The following TMTC2 variants were observed in gnomAD, a reference collection of about 807,000 sequenced individuals.
TMTC2 encodes the protein protein O-mannosyl-transferase TMTC2.
A neutral mutation model predicts 82.4 loss-of-function variants in TMTC2; 43 were observed. That is an observed-to-expected ratio of 0.52 (90% CI 0.41 to 0.67). The LOEUF (loss-of-function observed/expected upper bound fraction) is 0.67. Among genes scored for constraint, TMTC2 ranks in the 30% least tolerant of loss-of-function variants. The pLI is 0.00. For synonymous variants in TMTC2, 408 were observed against 381.9 expected, an observed-to-expected ratio of 1.07 and a Z score of -0.80; for missense variants, 919 against 1,012.4, an observed-to-expected ratio of 0.91 and a Z score of 1.25.
At chr12:82,866,827 C>T (rs1308475013) in intron 2 of TMTC2, among the ~76,000 whole-genome samples, 2 of 152,076 alleles carry the variant, frequency 1.3e-5, no homozygotes. Flanking sequence ...AAGCCAGATT[C>T]CATGAGTACA....
chr12:82,857,684 T>G, intron 2 of TMTC2, 104 bp downstream of exon 2: 3 of 1,076,828 alleles, frequency 2.8e-6, no homozygotes, highest in Non-Finnish European at 3.9e-6. Context: ...AAGCGGAATT[T>G]AAAATAAGTT....
At chr12:82,761,349 G>A (rs1404147253) in intron 1 of TMTC2, among the ~76,000 whole-genome samples, 1 of 152,230 alleles carries the variant, frequency 6.6e-6, no homozygotes, top group African/African-American at 2.4e-5. Flanking sequence ...TAAGAGACTT[G>A]TGGCTGGTCA....
intron 8 of TMTC2, among the ~76,000 whole-genome samples, chr12:82,987,470 A>G (rs999079249): frequency 6.6e-6 from 1 of 151,910 alleles, no homozygotes; most frequent in African/African-American, 2.4e-5. Flanking sequence ...TAGGTAGACT[A>G]AGTAACCAGA....
intron 1 of TMTC2, among the ~76,000 whole-genome samples, chr12:82,826,259 G>A (rs1325925380): frequency 2.0e-5 from 3 of 152,134 alleles, no homozygotes; most frequent in South Asian, 2.1e-4. Flanking sequence ...CCTTCTTATG[G>A]TGAGTTTAGA....
chr12:82,876,820 C>G (rs542464255), intron 2 of TMTC2, among the ~76,000 whole-genome samples: 1 of 152,100 alleles, frequency 6.6e-6, no homozygotes, highest in African/African-American at 2.4e-5. Flanking sequence ...AATAGCAGTG[C>G]GACCTGGGAA....
intron 4 of TMTC2, 74 bp from the exon 5 acceptor site, chr12:82,964,946 TGGAA>T: frequency 2.3e-6 from 2 of 881,412 alleles, no homozygotes; most frequent in African/African-American, 1.7e-5. Flanking sequence ...TTTTTATTTT[TGGAA>T]TATAAAATAA....
chr12:83,091,520 G>A (rs1162945677), intron 11 of TMTC2, among the ~76,000 whole-genome samples: 1 of 152,010 alleles, frequency 6.6e-6, no homozygotes, highest in Non-Finnish European at 1.5e-5. Context: ...ATTCTCACTG[G>A]CACAATTGCT....
rs183507804 is a variant in TMTC2, at chr12:82,989,978, G to A, written c.2070+3932G>A. On this transcript the variant is annotated intron_variant, in intron 8 of 11. Transcript: ENST00000321196. ...AGCTTCTTTCTAAATTATGACATTT[G>A]GCAAATTTCTGATCCCTATGGATAG... is the stretch of plus-strand genomic sequence containing the variant. 2.6e-5 allele frequency among the ~76,000 whole-genome samples: 4 copies of A among 152,174 alleles called. No homozygotes were observed. The East Asian group carries it at 7.7e-4, about 29-fold the overall frequency.
intron 11 of TMTC2, among the ~76,000 whole-genome samples, chr12:83,099,637 G>A (rs1256855175): frequency 6.6e-6 from 1 of 151,940 alleles, no homozygotes; most frequent in Non-Finnish European, 1.5e-5. Flanking sequence ...TGCCTCCTGA[G>A]AAGAAGCCAA....
At chr12:82,834,988 C>G (rs1869955423) in intron 1 of TMTC2, among the ~76,000 whole-genome samples, 1 of 151,986 alleles carries the variant, frequency 6.6e-6, no homozygotes, top group South Asian at 2.1e-4. Flanking sequence ...AACAATTTTC[C>G]TGCTTCAGCC....
intron 2 of TMTC2, among the ~76,000 whole-genome samples, chr12:82,876,122 T>TG (rs1872544085): frequency 6.3e-5 from 9 of 143,416 alleles, no homozygotes; most frequent in African/African-American, 2.1e-4. Context: ...GTGGTGGTGG[T>TG]ATTAGTAATG....
At chr12:83,047,452 C>A (rs1882185281) in intron 9 of TMTC2, among the ~76,000 whole-genome samples, 1 of 152,176 alleles carries the variant, frequency 6.6e-6, no homozygotes, top group South Asian at 2.1e-4. Flanking sequence ...TAATAATTTA[C>A]TTTCACTTTT....
intron 11 of TMTC2, among the ~76,000 whole-genome samples, chr12:83,065,197 T>C (rs1882874576): frequency 6.6e-6 from 1 of 151,956 alleles, no homozygotes; most frequent in Non-Finnish European, 1.5e-5. Flanking sequence ...GGATATTCTT[T>C]CTTAATAAAA....
chr12:83,055,022 A>T (rs1882488447), intron 10 of TMTC2, among the ~76,000 whole-genome samples: 1 of 152,102 alleles, frequency 6.6e-6, no homozygotes. Context: ...ACAGCTAGGA[A>T]TAATTCCCAA....
chr12:82,975,580 A>AT, intron 7 of TMTC2, among the ~76,000 whole-genome samples: 1 of 152,132 alleles, frequency 6.6e-6, no homozygotes. Flanking sequence ...AGTTGGATGA[A>AT]TTTTTCAATG....
chr12:83,042,389 A>G (rs1881928743), intron 9 of TMTC2, among the ~76,000 whole-genome samples: 1 of 152,292 alleles, frequency 6.6e-6, no homozygotes, highest in Admixed American at 6.5e-5. Context: ...CTGGATCTCT[A>G]ATGAGGTTGT....
intron 1 of TMTC2, among the ~76,000 whole-genome samples, chr12:82,810,342 T>C (rs1186019455): frequency 1.3e-5 from 2 of 151,522 alleles, no homozygotes; most frequent in Non-Finnish European, 2.9e-5. Context: ...GTGCAGTGTT[T>C]ATTTGAATTC....
chr12:82,765,626 A>T (rs1876907204), intron 1 of TMTC2, among the ~76,000 whole-genome samples: 1 of 152,104 alleles, frequency 6.6e-6, no homozygotes, highest in Non-Finnish European at 1.5e-5. Context: ...GTGAACCAAG[A>T]TTGCACCATT....
intron 1 of TMTC2, among the ~76,000 whole-genome samples, chr12:82,766,041 G>A (rs970126177): frequency 3.9e-5 from 6 of 152,086 alleles, no homozygotes; most frequent in Admixed American, 2.6e-4. Flanking sequence ...GTCCTGGCCC[G>A]GGCTCTGCTG....
Sources: allele counts gnomAD v4.1 joint callset (sites outside exome capture counted in the v4.1 genomes callset), GRCh38; gene constraint gnomAD v4.1.1; transcripts MANE v1.5; gene names NCBI Gene and HGNC (gene_info 2026-07-23, HGNC 2026-07-21).